SLC4A1AP: variants seen among roughly 807,000 people sequenced by gnomAD.
SLC4A1AP encodes solute carrier family 4 member 1 adaptor protein.
Under a neutral mutation model 89.7 loss-of-function variants are expected in SLC4A1AP, and 64 were observed. The observed-to-expected ratio is 0.71, with a 90% CI of 0.58 to 0.88. SLC4A1AP has a LOEUF of 0.88. Among genes scored for constraint, SLC4A1AP ranks in the 40% least tolerant of loss-of-function variants. The pLI is 0.00. For missense variants in SLC4A1AP, 931 were observed against 965.0 expected, an observed-to-expected ratio of 0.96 and a Z score of 0.47; for synonymous variants, 366 against 353.3, an observed-to-expected ratio of 1.04 and a Z score of -0.40.
exon 14 of SLC4A1AP, chr2:27,694,947 C>T (rs112012867): frequency 3.0e-6 from 1 of 328,590 alleles, no homozygotes; most frequent in East Asian, 4.8e-5. Flanking sequence ...AGACATGATC[C>T]TATTAAAATA....
intron 8 of SLC4A1AP, among the ~76,000 whole-genome samples, chr2:27,679,559 G>A (rs1235397014): frequency 6.6e-6 from 1 of 152,076 alleles, no homozygotes; most frequent in African/African-American, 2.4e-5. Flanking sequence ...CCGAGATTGC[G>A]CCACTGCACT....
At chr2:27,687,717 C>A (rs895360776) in intron 10 of SLC4A1AP, among the ~76,000 whole-genome samples, 1 of 152,010 alleles carries the variant, frequency 6.6e-6, no homozygotes, top group Admixed American at 6.6e-5. Flanking sequence ...AAAAGTTTTA[C>A]CTCAATGTTG....
chr2:27,668,635 A>G (rs760574176), intron 3 of SLC4A1AP: 2 of 689,760 alleles, frequency 2.9e-6, no homozygotes, highest in South Asian at 3.0e-5. Flanking sequence ...TTTTTTGTAC[A>G]GATGGGGTTT....
chr2:27,685,561 C>T (rs933861010), intron 10 of SLC4A1AP, among the ~76,000 whole-genome samples: 7 of 152,206 alleles, frequency 4.6e-5, no homozygotes, highest in African/African-American at 1.7e-4. Context: ...TAATCCTGAG[C>T]TGCTGCCACT....
chr2:27,677,131 C>G (rs112797206), intron 6 of SLC4A1AP, among the ~76,000 whole-genome samples, 164 bp from the exon 7 acceptor site: 1 of 151,672 alleles, frequency 6.6e-6, no homozygotes, highest in African/African-American at 2.4e-5. Flanking sequence ...GAATGAGGCT[C>G]TATCTCAAAA....
chr2:27,683,123 G>A (rs1485123113), intron 9 of SLC4A1AP, among the ~76,000 whole-genome samples: 3 of 152,106 alleles, frequency 2.0e-5, no homozygotes, highest in Non-Finnish European at 4.4e-5. Context: ...TTACAAATGA[G>A]GAAATAGAGT....
At chr2:27,681,772 A>G (rs1432810117) in intron 8 of SLC4A1AP, among the ~76,000 whole-genome samples, 1 of 151,816 alleles carries the variant, frequency 6.6e-6, no homozygotes, top group East Asian at 1.9e-4. Flanking sequence ...TATCTTTGTC[A>G]TTACTACACT....
intron 12 of SLC4A1AP, chr2:27,693,151 T>C (rs1675815978): frequency 7.0e-6 from 1 of 142,112 alleles, no homozygotes. Context: ...AGACTGGTCT[T>C]GAATTCCTGA....
At chr2:27,681,483 G>A (rs996240026) in intron 8 of SLC4A1AP, among the ~76,000 whole-genome samples, 1 of 152,122 alleles carries the variant, frequency 6.6e-6, no homozygotes, top group African/African-American at 2.4e-5. Context: ...TGGTCAATAT[G>A]AAGAAAACAG....
At chr2:27,693,557 A>T (rs561963089) in intron 12 of SLC4A1AP, 128 bp from the exon 13 acceptor site, 42 of 620,208 alleles carry the variant, frequency 6.8e-5, no homozygotes, top group Non-Finnish European at 1.0e-4. Context: ...GTTTTGTTGG[A>T]TACAAAATTC....
At chr2:27,670,301 T>A (rs1238982858) in intron 5 of SLC4A1AP, among the ~76,000 whole-genome samples, 1 of 151,736 alleles carries the variant, frequency 6.6e-6, no homozygotes, top group Non-Finnish European at 1.5e-5. Context: ...CCTGGCCGTA[T>A]CACGAATATT....
intron 12 of SLC4A1AP, chr2:27,691,983 C>T (rs1354887373): frequency 6.6e-6 from 1 of 151,710 alleles, no homozygotes; most frequent in Non-Finnish European, 1.5e-5. Context: ...CTCTCTCTCT[C>T]TCTTTTTTAA....
exon 1 of SLC4A1AP, chr2:27,664,066 C>T (rs1675252812): frequency 1.9e-6 from 3 of 1,614,168 alleles, no homozygotes; most frequent in African/African-American, 1.3e-5. Context: ...AAGGAAGGGC[C>T]CACTGCGTTG....
At position 27,682,234 on chromosome 2, in the gene SLC4A1AP, T is replaced by A; in HGVS notation, c.1764-14T>A. 1 of 1,565,176 alleles carries A rather than the reference T, an allele frequency of 6.4e-7. No individual in the cohort carries two copies. The highest frequency in any genetic ancestry group is 8.8e-7 in the Non-Finnish European group (1 of 1,139,784). On this transcript the variant is annotated splice_polypyrimidine_tract_variant and intron_variant, in intron 8 of 13. Transcript: ENST00000613058. ...TCCCTGGAATAGATGTGTATAATTATTCTTTCTTCCTAGGACTGAAACTCA... is the reference window on the plus strand; with the variant it reads ...TCCCTGGAATAGATGTGTATAATTAATCTTTCTTCCTAGGACTGAAACTCA...
intron 2 of SLC4A1AP, among the ~76,000 whole-genome samples, chr2:27,666,311 A>G (rs551358507): frequency 8.9e-5 from 11 of 124,190 alleles, no homozygotes; most frequent in African/African-American, 1.5e-4. Flanking sequence ...GGGTTTCACC[A>G]TATTGGCCAG....
At position 27,675,688 on chromosome 2, in the gene SLC4A1AP, C is replaced by A; in HGVS notation, c.1502C>A (p.Ser501Ter). ...GATGAGAAGCCAGAGACCTTTGAAT[C>A]ATTGGCAAGTTTTATTTATGGAAGT... Residue 501 changes from serine to a stop codon, truncating the protein, a stop_gained, in exon 6 of 14, where the codon TCA (serine) becomes TAA (stop). Transcript: ENST00000613058. LOFTEE classifies it high-confidence loss of function. 1 of 1,565,420 alleles carries A rather than the reference C, an allele frequency of 6.4e-7. No homozygotes were observed.
chr2:27,677,653 A>G, intron 7 of SLC4A1AP, 85 bp from the exon 8 acceptor site: 1 of 1,125,462 alleles, frequency 8.9e-7, no homozygotes, highest in South Asian at 1.6e-5. Context: ...GTTTTATGTT[A>G]GTGACTTTTA....
At chr2:27,668,308 C>T (rs1253935229) in intron 3 of SLC4A1AP, among the ~76,000 whole-genome samples, 1 of 152,096 alleles carries the variant, frequency 6.6e-6, no homozygotes, top group Non-Finnish European at 1.5e-5. Flanking sequence ...GCCACCACGC[C>T]CGGCTAATTT....
At chr2:27,675,570 G>T in exon 6 of SLC4A1AP, 1 of 1,601,702 alleles carries the variant, frequency 6.2e-7, no homozygotes, top group Non-Finnish European at 8.5e-7. Flanking sequence ...GGAAGATGAA[G>T]ACTTTTATGA....
Sources: gnomAD v4.1 joint callset for allele counts (sites outside exome capture counted in the v4.1 genomes callset) on GRCh38, gnomAD v4.1.1 for gene constraint, MANE v1.5 for transcripts, NCBI Gene and HGNC (gene_info 2026-07-23, HGNC 2026-07-21) for gene names.